Variants in THRA observed in about 807,000 individuals in gnomAD.
THRA encodes EAR-7.
A neutral mutation model predicts 45.0 loss-of-function variants in THRA; 13 were observed. The observed-to-expected ratio is 0.29, with a 90% confidence interval of 0.19 to 0.46. The LOEUF (loss-of-function observed/expected upper bound fraction) is 0.46, where lower values mean the gene tolerates loss of function less well. THRA is among the 20% of genes least tolerant of loss of function. The pLI is 1.00. For missense variants in THRA, 278 were observed against 556.1 expected (o/e 0.50, Z 5.03); for synonymous variants, 195 against 214.0 (o/e 0.91, Z 0.78).
At chr17:40,063,286 A>T (rs1034966947) in intron 1 of THRA, among the ~76,000 whole-genome samples, 194 bp downstream of exon 1, 34 of 152,162 alleles carry the variant, frequency 2.2e-4, no homozygotes, top group African/African-American at 7.9e-4. Context: ...GCCCTGGGGA[A>T]GGGAGGTGTT....
chr17:40,088,682 C>A (rs1009495168), intron 8 of THRA, among the ~76,000 whole-genome samples, 182 bp downstream of exon 8: 3 of 152,002 alleles, frequency 2.0e-5, no homozygotes, highest in Non-Finnish European at 4.4e-5. Flanking sequence ...TCCCCAGGCC[C>A]ATCCCTTGCC....
At chr17:40,084,855 G>A in intron 6 of THRA, 40 bp downstream of exon 6, 1 of 1,607,502 alleles carries the variant, frequency 6.2e-7, no homozygotes, top group Non-Finnish European at 8.5e-7. Context: ...GTAGCCAGGT[G>A]GCAGGGAGAA....
At chr17:40,080,383 C>T (rs999683334) in intron 4 of THRA, among the ~76,000 whole-genome samples, 3 of 148,950 alleles carry the variant, frequency 2.0e-5, no homozygotes, top group Non-Finnish European at 3.0e-5. Context: ...CCAGCCTGGG[C>T]GACAGAACAA....
At chr17:40,070,066 C>T (rs912966154) in intron 1 of THRA, among the ~76,000 whole-genome samples, 1 of 152,034 alleles carries the variant, frequency 6.6e-6, no homozygotes, top group Non-Finnish European at 1.5e-5. Flanking sequence ...CAATCTCCCC[C>T]TTATGAGGAT....
In THRA at chr17:40,092,752, C is replaced by T; in HGVS notation, c.*3296C>T. 4.0e-6 allele frequency: 1 copy of T among 249,504 alleles called. No individual in the cohort carries two copies. The highest frequency in any genetic ancestry group is 7.6e-6 in the Non-Finnish European group (1 of 130,802). 15.5% of individuals were successfully genotyped at this position (249,504 alleles called of 1,614,324 possible). A position where few individuals can be genotyped will look rare whatever the true frequency, so the allele number is the denominator to read the frequency against. On this transcript the variant is annotated 3_prime_UTR_variant, in exon 9 of 9. Transcript: ENST00000450525. The stretch of plus-strand genomic sequence containing the variant: ...GCCCCCCCCAGCCTTGGCAGTATTT[C>T]CACCCCACCCCCCAAACGAGCACAC...
chr17:40,075,199 G>A (rs1215960085), intron 2 of THRA, among the ~76,000 whole-genome samples: 1 of 152,094 alleles, frequency 6.6e-6, no homozygotes, highest in Non-Finnish European at 1.5e-5. Context: ...GGAGCCCAGA[G>A]GGTCTCTGTC....
chr17:40,079,299 T>C (rs1987058983), intron 4 of THRA, among the ~76,000 whole-genome samples: 2 of 152,152 alleles, frequency 1.3e-5, no homozygotes, highest in Admixed American at 1.3e-4. Context: ...CAGCCTGGAG[T>C]GCAGTGGTGC....
chr17:40,070,240 C>T (rs1986726822), intron 1 of THRA, among the ~76,000 whole-genome samples: 1 of 152,094 alleles, frequency 6.6e-6, no homozygotes, highest in Non-Finnish European at 1.5e-5. Flanking sequence ...CAGGCTGGGG[C>T]CCTGAGTCTG....
intron 1 of THRA, among the ~76,000 whole-genome samples, chr17:40,073,215 C>T (rs1420841085): frequency 1.3e-5 from 2 of 152,200 alleles, no homozygotes; most frequent in Non-Finnish European, 2.9e-5. Flanking sequence ...CTACCCGCCA[C>T]ACCTGCCTGT....
At chr17:40,074,884 T>A (rs915672656) in intron 2 of THRA, among the ~76,000 whole-genome samples, 4 of 152,228 alleles carry the variant, frequency 2.6e-5, no homozygotes, top group Non-Finnish European at 5.9e-5. Flanking sequence ...AGCCTTGCCA[T>A]TTTCTTCCTC....
At chr17:40,081,463 G>A (rs1053869533) in intron 4 of THRA, among the ~76,000 whole-genome samples, 1 of 151,748 alleles carries the variant, frequency 6.6e-6, no homozygotes, top group African/African-American at 2.4e-5. Flanking sequence ...GTTTTGCTAT[G>A]TTGGACAGGC....
chr17:40,093,730 T>C (rs1313485174), downstream of THRA: 1 of 642,776 alleles, frequency 1.6e-6, no homozygotes, highest in Non-Finnish European at 2.7e-6. This position sits in a 1 kb window ranked among gnomAD's most constrained non-coding sequence, Gnocchi z 5.9. Flanking sequence ...CTGTGACACT[T>C]ATCTCACTGT....
rs746290948 is a variant in THRA at position 40,077,583 on chromosome 17, G to A, written c.197G>A (p.Arg66His). Residue 66 changes from arginine to histidine, a missense_variant, in exon 4 of 9, where the codon CGC becomes CAC. By Grantham distance (29) the Arg-to-His change is conservative (BLOSUM62 0). Around this residue, in one of 6 missense-constraint regions of THRA, gnomAD observed 20 missense variants for 65.2 expected, o/e 0.31. Coordinates refer to ENST00000450525, the MANE Select transcript of THRA (RefSeq NM_199334.5). ...GACAAGGCAACTGGTTATCACTACC[G>A]CTGTATCACTTGTGAGGGCTGCAAG... The part of the protein sequence containing the change: ...CGDKATGYHY[R>H]CITCEGCKGF... 2.5e-6 allele frequency: 4 copies of A among 1,613,864 alleles called. No homozygotes were observed. Among genetic ancestry groups the A allele is most frequent in the African/African-American group, 1.3e-5 (1 of 74,884 alleles).
chr17:40,080,441 A>G (rs1987099155), intron 4 of THRA, among the ~76,000 whole-genome samples: 1 of 152,072 alleles, frequency 6.6e-6, no homozygotes, highest in Non-Finnish European at 1.5e-5. Flanking sequence ...AAACGGAAAA[A>G]AAGTTTAAGG....
intron 1 of THRA, among the ~76,000 whole-genome samples, chr17:40,073,309 G>A (rs1440654968): frequency 1.3e-5 from 2 of 152,188 alleles, no homozygotes; most frequent in Admixed American, 6.5e-5. Flanking sequence ...GCTTGGCACT[G>A]CCCTGGACTC....
downstream of THRA, chr17:40,093,397 C>G (rs774944367): frequency 1.2e-6 from 2 of 1,604,964 alleles, no homozygotes; most frequent in Non-Finnish European, 1.7e-6. The surrounding 1 kb of genome is among the most constrained non-coding windows in gnomAD (Gnocchi z 5.9). Context: ...CCCCAGAAGG[C>G]CGATGGGGAA....
At position 40,091,627 on chromosome 17, in the gene THRA, ACG is replaced by A. The variant is rs2145092431; in HGVS notation, c.*2172_*2173del. ...TCCATCCCCATTCTCAGCCATGGAC[ACG>A]GCAGAGAAAAGGCCTTGAAGAGCCT... On this transcript the variant is annotated 3_prime_UTR_variant, in exon 9 of 9. Transcript: ENST00000450525. 1 of 146,902 alleles carries A rather than the reference ACG, an allele frequency of 6.8e-6. No homozygotes were observed. The highest frequency in any genetic ancestry group is 2.5e-5 in the African/African-American group (1 of 39,578). 9.1% of individuals were successfully genotyped at this position (146,902 alleles called of 1,614,324 possible).
Position 40,092,915 on chromosome 17 carries a change from GGC to G in THRA, c.*3460_*3461del. On this transcript the variant is annotated 3_prime_UTR_variant, in exon 9 of 9. Transcript: ENST00000450525. ...GGGAAGTTCGGTGATGGGGGAGGGA[GGC>G]AGGTATTTACAAGAAGGCTCAGGGG... 6.8e-7 allele frequency: 1 copy of G among 1,468,992 alleles called. No homozygotes were observed. The highest frequency in any genetic ancestry group is 1.4e-5 in the African/African-American group (1 of 70,314). 91.0% of individuals were successfully genotyped at this position (1,468,992 alleles called of 1,614,324 possible).
chr17:40,074,271 C>T lies in THRA; in HGVS notation c.-218C>T. 1.7e-6 allele frequency: 1 copy of T among 576,780 alleles called. No homozygotes were observed. The highest frequency in any genetic ancestry group is 3.1e-6 in the Non-Finnish European group (1 of 321,640). The allele number at this position is 576,780 out of a possible 1,614,324, so 35.7% of individuals were successfully genotyped here. A position where few individuals can be genotyped will look rare whatever the true frequency, so the allele number is the denominator to read the frequency against. On this transcript the variant is annotated 5_prime_UTR_variant, in exon 2 of 9. Coordinates refer to ENST00000450525, the MANE Select transcript of THRA (RefSeq NM_199334.5). ...ACCCACAAACCCAGCTTGCCCCCAGCCCTCCCACCTGCCACTCCCTGGCCC... is the reference window on the plus strand; with the variant it reads ...ACCCACAAACCCAGCTTGCCCCCAGTCCTCCCACCTGCCACTCCCTGGCCC...
Sources: allele counts gnomAD v4.1 joint callset (sites outside exome capture counted in the v4.1 genomes callset), GRCh38; gene constraint gnomAD v4.1.1; regional missense constraint gnomAD v4.1.1; non-coding constraint Gnocchi (gnomAD v3.1); transcripts MANE v1.5; gene names NCBI Gene and HGNC (gene_info 2026-07-23, HGNC 2026-07-21).